Variants in TENM3 observed in about 807,000 individuals in gnomAD.
TENM3 encodes teneurin-3.
A neutral mutation model predicts 255.1 loss-of-function variants in TENM3; 63 were observed. The observed-to-expected ratio is 0.25, with a 90% CI of 0.20 to 0.30. The LOEUF (loss-of-function observed/expected upper bound fraction) is 0.30. Ranked by LOEUF, TENM3 falls within the 10% of genes least tolerant of loss-of-function variation. The pLI is 1.00. For synonymous variants in TENM3, 1,306 were observed against 1,322.3 expected (o/e 0.99, Z 0.27); for missense variants, 2,929 against 3,461.1 (o/e 0.85, Z 3.86).
chr4:181,492,172 C>G, the TENM3 span, among the ~76,000 whole-genome samples: 1 of 152,222 alleles, frequency 6.6e-6, no homozygotes, highest in African/African-American at 2.4e-5. Context: ...CATTTATGCA[C>G]GTGAGAAGGT....
At chr4:181,915,093 T>C in the TENM3 span, among the ~76,000 whole-genome samples, 2 of 152,062 alleles carry the variant, frequency 1.3e-5, no homozygotes, top group South Asian at 2.1e-4. Context: ...GAGGCCACAC[T>C]AGGAGATCAG....
the TENM3 span, among the ~76,000 whole-genome samples, chr4:181,801,213 T>A: frequency 1.4e-5 from 2 of 143,416 alleles, no homozygotes; most frequent in Admixed American, 1.4e-4. Flanking sequence ...TTTTGTGGAC[T>A]TTTGGGAAGC....
At chr4:182,728,279 C>T (rs1428842891) in intron 13 of TENM3, among the ~76,000 whole-genome samples, 1 of 152,158 alleles carries the variant, frequency 6.6e-6, no homozygotes, top group Non-Finnish European at 1.5e-5. Flanking sequence ...ACATAGATTC[C>T]TATTTATCAT....
chr4:182,501,926 G>A (rs1736358448), intron 3 of TENM3, among the ~76,000 whole-genome samples: 1 of 151,994 alleles, frequency 6.6e-6, no homozygotes, highest in Non-Finnish European at 1.5e-5. Context: ...TCCTCTAAGG[G>A]AAGTAAATTT....
chr4:181,916,748 G>T, the TENM3 span, among the ~76,000 whole-genome samples: 1 of 151,984 alleles, frequency 6.6e-6, no homozygotes, highest in Non-Finnish European at 1.5e-5. Context: ...ATGGTGGCGC[G>T]TGCTCGTAAT....
chr4:181,467,059 TAGTGTGTGTG>T, the TENM3 span, among the ~76,000 whole-genome samples: 1 of 68,962 alleles, frequency 1.5e-5, no homozygotes, highest in African/African-American at 6.0e-5. Flanking sequence ...AATATTTTAC[TAGTGTGTGTG>T]TGTGTGTGTG....
chr4:181,774,008 T>TG, the TENM3 span, among the ~76,000 whole-genome samples: 1 of 94,974 alleles, frequency 1.1e-5, no homozygotes, highest in Admixed American at 1.2e-4. Flanking sequence ...GCTGTGTTTT[T>TG]TTTTTTTTTT....
At chr4:181,784,620 A>G in the TENM3 span, among the ~76,000 whole-genome samples, 18 of 152,216 alleles carry the variant, frequency 1.2e-4, no homozygotes, top group African/African-American at 4.3e-4. Flanking sequence ...CATCAAATTC[A>G]TTTGAATTTT....
At chr4:181,710,518 C>A in the TENM3 span, among the ~76,000 whole-genome samples, 1 of 151,980 alleles carries the variant, frequency 6.6e-6, no homozygotes, top group African/African-American at 2.4e-5. Context: ...GAGATCAAGA[C>A]CATCCTGGAC....
intron 6 of TENM3, 129 bp downstream of exon 6, chr4:182,654,022 T>G: frequency 1.2e-6 from 1 of 825,034 alleles, no homozygotes; most frequent in Non-Finnish European, 1.7e-6. Flanking sequence ...GATATCATCT[T>G]TTTATAAGTT....
chr4:181,872,813 C>G, the TENM3 span, among the ~76,000 whole-genome samples: 1 of 152,108 alleles, frequency 6.6e-6, no homozygotes, highest in Non-Finnish European at 1.5e-5. Context: ...CTTCTGGAGC[C>G]TTTGTCCTCA....
chr4:181,579,506 A>G, the TENM3 span, among the ~76,000 whole-genome samples: 2 of 152,232 alleles, frequency 1.3e-5, no homozygotes, highest in African/African-American at 4.8e-5. Flanking sequence ...CAGGCAGGCA[A>G]TAGGATGGGA....
At chr4:182,680,136 C>T (rs1756026910) in intron 8 of TENM3, 112 bp from the exon 9 acceptor site, 5 of 828,086 alleles carry the variant, frequency 6.0e-6, no homozygotes, top group Non-Finnish European at 1.0e-5. Context: ...AGTGACAGTG[C>T]TTTGCTTTAC....
At chr4:182,162,469 C>T (rs950500041) in intron 1 of TENM3, among the ~76,000 whole-genome samples, 26 of 152,020 alleles carry the variant, frequency 1.7e-4, no homozygotes, top group Admixed American at 7.2e-4. Context: ...ACTGTGCACT[C>T]GGAACTCAAG....
At chr4:182,079,856 A>G in the TENM3 span, 2 of 152,314 alleles carry the variant, frequency 1.3e-5, no homozygotes, top group African/African-American at 4.8e-5. Context: ...TAAAGATGTC[A>G]CTTCACCTTT....
the TENM3 span, among the ~76,000 whole-genome samples, chr4:181,546,159 G>A: frequency 3.9e-5 from 6 of 152,102 alleles, 1 homozygote; most frequent in Non-Finnish European, 7.4e-5. Context: ...GCGTGTGAGT[G>A]GCCTCTAGAG....
chr4:181,626,021 A>T, the TENM3 span, among the ~76,000 whole-genome samples: 1 of 151,956 alleles, frequency 6.6e-6, no homozygotes, highest in African/African-American at 2.4e-5. Flanking sequence ...AAATAGAAAA[A>T]CTCATCAGTT....
In TENM3 at chr4:182,294,394, G is replaced by T. The variant is rs961732695; in HGVS notation, c.-75-29552G>T. ...CCTGAAACATTCAATGTTCACCCTGGTTTTTTTTCACCCTAAGTGTAAATC... is the reference window on the plus strand; with the variant it reads ...CCTGAAACATTCAATGTTCACCCTGTTTTTTTTTCACCCTAAGTGTAAATC... On this transcript the variant is annotated intron_variant, in intron 1 of 27. Coordinates refer to ENST00000511685, the MANE Select transcript of TENM3 (RefSeq NM_001080477.4). 4.6e-5 allele frequency among the ~76,000 whole-genome samples: 7 copies of T among 151,726 alleles called. No homozygotes were observed. The East Asian group carries it at 1.2e-3, about 25-fold the overall frequency.
chr4:181,649,437 T>C, the TENM3 span, among the ~76,000 whole-genome samples: 5 of 152,248 alleles, frequency 3.3e-5, no homozygotes, highest in Non-Finnish European at 4.4e-5. Context: ...TGACTATTTC[T>C]GTATCGGCCT....
Sources: gnomAD v4.1 joint callset for allele counts (sites outside exome capture counted in the v4.1 genomes callset) on GRCh38, gnomAD v4.1.1 for gene constraint, MANE v1.5 for transcripts, NCBI Gene and HGNC (gene_info 2026-07-23, HGNC 2026-07-21) for gene names.